Variants in CFAP91 observed in about 807,000 individuals in gnomAD.
The protein encoded by CFAP91 is cilia and flagella associated protein 91.
In CFAP91, 85 loss-of-function variants were observed where a neutral mutation model predicts 95.9. That is an observed-to-expected ratio of 0.89 (90% CI 0.74 to 1.06). The LOEUF is 1.06. Ranked by LOEUF, CFAP91 falls within the 50% of genes least tolerant of loss-of-function variation. The pLI, the probability that CFAP91 is intolerant of heterozygous loss-of-function variation, is 0.00. For missense variants in CFAP91, 962 were observed against 943.4 expected, an observed-to-expected ratio of 1.02 and a Z score of -0.26; for synonymous variants, 335 against 327.5, an observed-to-expected ratio of 1.02 and a Z score of -0.25.
At chr3:119,731,517 G>T (rs1036192989) in intron 8 of CFAP91, among the ~76,000 whole-genome samples, 4 of 152,138 alleles carry the variant, frequency 2.6e-5, no homozygotes, top group African/African-American at 9.7e-5. Context: ...ATTTTTGTAG[G>T]TGAATAATAA....
intron 8 of CFAP91, among the ~76,000 whole-genome samples, chr3:119,731,611 C>G (rs1577221590): frequency 6.6e-6 from 1 of 152,224 alleles, no homozygotes; most frequent in African/African-American, 2.4e-5. Flanking sequence ...ATCCCCAAGA[C>G]AGCAGTGGCA....
intron 7 of CFAP91, among the ~76,000 whole-genome samples, chr3:119,728,612 A>G (rs932493731): frequency 2.0e-5 from 3 of 151,848 alleles, no homozygotes; most frequent in East Asian, 1.9e-4. Flanking sequence ...AAAAATGCCT[A>G]CCTCTCCATA....
chr3:119,724,168 C>CAA (rs60965924), intron 6 of CFAP91, among the ~76,000 whole-genome samples: 21 of 98,778 alleles, frequency 2.1e-4, no homozygotes, highest in African/African-American at 6.7e-4. Context: ...GACTTCATCT[C>CAA]AAAAAAAAAA....
intron 5 of CFAP91, among the ~76,000 whole-genome samples, chr3:119,714,386 GAAA>G (rs2053536710): frequency 7.1e-6 from 1 of 140,580 alleles, no homozygotes; most frequent in African/African-American, 2.6e-5. Flanking sequence ...AAAAAAAAAA[GAAA>G]GAAACGCTGG....
chr3:119,743,864 C>A, intron 13 of CFAP91, 111 bp from the exon 14 acceptor site: 1 of 948,438 alleles, frequency 1.1e-6, no homozygotes. Context: ...AAATTAAATG[C>A]ATTCTGAAAG....
intron 16 of CFAP91, among the ~76,000 whole-genome samples, chr3:119,749,383 G>C (rs939218371): frequency 6.6e-6 from 1 of 152,124 alleles, no homozygotes; most frequent in Non-Finnish European, 1.5e-5. Context: ...AATTAGCTAG[G>C]TGTGGTGGTA....
At chr3:119,762,593 A>G (rs1001665542) in intron 17 of CFAP91, among the ~76,000 whole-genome samples, 3 of 152,102 alleles carry the variant, frequency 2.0e-5, no homozygotes, top group African/African-American at 4.8e-5. Context: ...CTGCAAAGCT[A>G]TGCTAATCAA....
chr3:119,745,147 G>A (rs576293339), intron 14 of CFAP91, among the ~76,000 whole-genome samples: 5 of 152,278 alleles, frequency 3.3e-5, no homozygotes, highest in Admixed American at 6.5e-5. Context: ...GGTAAAAAAT[G>A]TACTCAGCTA....
intron 3 of CFAP91, 44 bp downstream of exon 3, chr3:119,707,605 A>G (rs143995716): frequency 4.0e-6 from 6 of 1,491,808 alleles, no homozygotes; most frequent in Non-Finnish European, 5.4e-6. Flanking sequence ...ATGCATTAAA[A>G]GCATTTCTTT....
intron 2 of CFAP91, chr3:119,707,166 G>A (rs945394272): frequency 1.9e-6 from 1 of 539,562 alleles, no homozygotes; most frequent in African/African-American, 1.9e-5. Context: ...TAGTATAAAA[G>A]CATATACAGT....
At chr3:119,762,184 A>G (rs116455895) in intron 17 of CFAP91, among the ~76,000 whole-genome samples, 2,404 of 152,106 alleles carry the variant, frequency 0.016, 58 homozygotes, top group African/African-American at 0.055. Context: ...ATTTCTATAC[A>G]TTAACAACAA....
rs369667351 is a variant in CFAP91 at position 119,738,539 on chromosome 3, G to C, written c.1462-716G>C. ...AATTTTTATAGTTTTAGTAGAGATGGGGTGTTGCCATGTTGGCCAGGCTTG... is the reference window on the plus strand; with the variant it reads ...AATTTTTATAGTTTTAGTAGAGATGCGGTGTTGCCATGTTGGCCAGGCTTG... On this transcript the variant is annotated intron_variant, in intron 11 of 17. Transcript: ENST00000273390. Among the ~76,000 whole-genome samples the C allele has an allele frequency of 3.3e-5, 5 of 151,330 alleles. No individual in the cohort carries two copies. In the East Asian group the frequency reaches 9.7e-4, roughly 29 times the overall value.
chr3:119,751,050 G>A lies in CFAP91; in HGVS notation c.2257G>A (p.Ala753Thr), dbSNP rs1450934044. 6.8e-6 allele frequency: 11 copies of A among 1,612,900 alleles called. No individual in the cohort carries two copies. Among genetic ancestry groups the A allele is most frequent in the Non-Finnish European group, 9.3e-6 (11 of 1,179,584 alleles). The change falls in exon 17 of 18, where the codon GCT (alanine) becomes ACT (threonine). Residue 753 changes from alanine to threonine, a missense_variant. Physicochemically the swap from Ala to Thr is moderately conservative, Grantham distance 58 (BLOSUM62 0). Coordinates refer to ENST00000273390, the MANE Select transcript of CFAP91 (RefSeq NM_033364.4). ...GGGAGAGCAAGATGAGGCCTCAAAT[G>A]CTGCCATGTTACTTGAGAAAGAAAC... is the stretch of plus-strand genomic sequence containing the variant. ...TEGEQDEASN[A>T]AMLLEKETQN... is the part of the protein sequence containing the mutation.
At chr3:119,731,929 T>G (rs1361794167) in intron 8 of CFAP91, among the ~76,000 whole-genome samples, 2 of 152,248 alleles carry the variant, frequency 1.3e-5, no homozygotes, top group Admixed American at 6.5e-5. Flanking sequence ...GGAGAATAAT[T>G]CCCTAGTTCC....
intron 6 of CFAP91, among the ~76,000 whole-genome samples, chr3:119,717,183 A>C (rs1577205645): frequency 6.6e-6 from 1 of 152,164 alleles, no homozygotes; most frequent in African/African-American, 2.4e-5. Context: ...TCTCCTGCAC[A>C]CTGGTGCAAC....
Position 119,709,875 on chromosome 3 carries a change from T to C in CFAP91, c.480T>C (p.Asn160=), listed in dbSNP as rs376571015. ...FLPFFQQMPF[N]VVYAVSKAEP... is the part of the protein sequence containing the mutation. The stretch of plus-strand genomic sequence containing the variant: ...CATTTTTTCAGCAGATGCCATTCAA[T>C]GTTGTTTATGCCGTATCCAAGTAAG... The change falls in exon 5 of 18, where the codon AAT becomes AAC. Residue 160 remains asparagine, a synonymous_variant. Transcript: ENST00000273390. The C allele has an allele frequency of 8.3e-5, 134 of 1,612,024 alleles. No homozygotes were observed. Among genetic ancestry groups the C allele is most frequent in the Non-Finnish European group, 8.1e-5 (96 of 1,178,218 alleles).
At chr3:119,718,928 C>T (rs1277664970) in intron 6 of CFAP91, among the ~76,000 whole-genome samples, 2 of 150,812 alleles carry the variant, frequency 1.3e-5, no homozygotes, top group Non-Finnish European at 3.0e-5. Context: ...AAAAAATGAG[C>T]ACATTATTCT....
intron 14 of CFAP91, among the ~76,000 whole-genome samples, chr3:119,744,766 A>C (rs554315737): frequency 1.3e-5 from 2 of 152,360 alleles, no homozygotes; most frequent in Non-Finnish European, 2.9e-5. Context: ...ATGGATCTAC[A>C]AGATGGAATT....
intron 14 of CFAP91, 127 bp from the exon 15 acceptor site, chr3:119,746,988 T>C (rs2054232557): frequency 1.5e-6 from 1 of 663,530 alleles, no homozygotes; most frequent in African/African-American, 1.9e-5. Context: ...GAATGATTAG[T>C]GAAGGGACTG....
Sources: allele counts gnomAD v4.1 joint callset (sites outside exome capture counted in the v4.1 genomes callset), GRCh38; gene constraint gnomAD v4.1.1; transcripts MANE v1.5; gene names NCBI Gene and HGNC (gene_info 2026-07-23, HGNC 2026-07-21).